Variants in CAST observed in about 807,000 individuals in gnomAD.
CAST encodes calpastatin.
A neutral mutation model predicts 119.6 loss-of-function variants in CAST; 76 were observed. That is an observed-to-expected ratio of 0.64 (90% CI 0.53 to 0.77). The LOEUF is 0.77. CAST is among the 30% of genes least tolerant of loss of function. CAST has a pLI of 0.00. For missense variants in CAST, 953 were observed against 946.5 expected, an observed-to-expected ratio of 1.01 and a Z score of -0.09; for synonymous variants, 319 against 331.6, an observed-to-expected ratio of 0.96 and a Z score of 0.41.
the CAST span, among the ~76,000 whole-genome samples, chr5:96,118,646 T>G: frequency 6.6e-6 from 1 of 150,910 alleles, no homozygotes; most frequent in African/African-American, 2.4e-5. Context: ...TTTTTTTTTT[T>G]GGTCCATTGT....
the CAST span, among the ~76,000 whole-genome samples, chr5:96,217,185 T>C: frequency 2.1e-5 from 3 of 145,306 alleles, no homozygotes; most frequent in Non-Finnish European, 4.5e-5. Flanking sequence ...ACTACAGGTA[T>C]ACACCACCAT....
chr5:96,113,652 G>C, the CAST span, among the ~76,000 whole-genome samples: 1 of 152,254 alleles, frequency 6.6e-6, no homozygotes, highest in Non-Finnish European at 1.5e-5. Flanking sequence ...CCATTGCCTG[G>C]TGCCAGGGAG....
the CAST span, among the ~76,000 whole-genome samples, chr5:96,451,024 A>T: frequency 4.6e-5 from 7 of 152,194 alleles, no homozygotes; most frequent in South Asian, 4.1e-4. Context: ...TCATAAAGTG[A>T]CATTCTGCCC....
At chr5:96,229,118 T>A in the CAST span, among the ~76,000 whole-genome samples, 1 of 151,886 alleles carries the variant, frequency 6.6e-6, no homozygotes, top group African/African-American at 2.4e-5. Context: ...TTTTACCAGG[T>A]GAGAATGGAT....
chr5:96,578,418 G>T (rs1304070021), intron 1 of CAST, among the ~76,000 whole-genome samples: 2 of 151,234 alleles, frequency 1.3e-5, no homozygotes, highest in African/African-American at 4.9e-5. Context: ...CTTTTGATTG[G>T]TATATTTAGA....
At chr5:96,632,973 G>A (rs998349512) in intron 1 of CAST, among the ~76,000 whole-genome samples, 1 of 151,994 alleles carries the variant, frequency 6.6e-6, no homozygotes, top group Non-Finnish European at 1.5e-5. Context: ...TTTTTGGTTT[G>A]TTTTGTTCTG....
chr5:96,217,392 T>C, the CAST span, among the ~76,000 whole-genome samples: 4 of 151,894 alleles, frequency 2.6e-5, no homozygotes, highest in Admixed American at 2.0e-4. Flanking sequence ...AAACTAGCTT[T>C]ATGGAAAATA....
chr5:96,202,764 C>A, the CAST span, among the ~76,000 whole-genome samples: 15 of 152,084 alleles, frequency 9.9e-5, no homozygotes, highest in South Asian at 2.3e-3. Context: ...AAAATTAGAT[C>A]TTTTTCCCTA....
At chr5:96,248,221 C>G in the CAST span, among the ~76,000 whole-genome samples, 4 of 152,108 alleles carry the variant, frequency 2.6e-5, no homozygotes, top group South Asian at 4.1e-4. Flanking sequence ...CTCTTGGACC[C>G]TTTTTGAAAG....
chr5:96,682,571 A>G (rs61327006), intron 2 of CAST, among the ~76,000 whole-genome samples: 3,586 of 151,740 alleles, frequency 0.024, 147 homozygotes, highest in African/African-American at 0.082. Flanking sequence ...CGGGGTAATG[A>G]TGCCCTCTGC....
At chr5:96,768,072 T>G (rs1770668633) in intron 29 of CAST, 73 bp downstream of exon 29, 1 of 966,212 alleles carries the variant, frequency 1.0e-6, no homozygotes, top group Non-Finnish European at 1.7e-6. Flanking sequence ...AAGTTTTATT[T>G]ATTGATTGAT....
At chr5:96,123,665 C>A in the CAST span, among the ~76,000 whole-genome samples, 1 of 152,120 alleles carries the variant, frequency 6.6e-6, no homozygotes, top group Non-Finnish European at 1.5e-5. Context: ...CTGGGTACAA[C>A]TGAAGGTTGG....
the CAST span, among the ~76,000 whole-genome samples, chr5:96,212,909 G>A: frequency 6.6e-6 from 1 of 152,042 alleles, no homozygotes; most frequent in African/African-American, 2.4e-5. Flanking sequence ...CTTGAGGCCA[G>A]GTATTTGAGA....
At chr5:96,307,061 C>T in the CAST span, among the ~76,000 whole-genome samples, 1 of 152,140 alleles carries the variant, frequency 6.6e-6, no homozygotes, top group East Asian at 1.9e-4. Context: ...GTTAAAGTCT[C>T]CCACTATTAT....
At chr5:96,111,324 C>T in the CAST span, among the ~76,000 whole-genome samples, 1 of 152,170 alleles carries the variant, frequency 6.6e-6, no homozygotes, top group South Asian at 2.1e-4. Flanking sequence ...GATGCATCAC[C>T]TTCCTGGCAA....
the CAST span, among the ~76,000 whole-genome samples, chr5:96,013,588 G>C: frequency 6.6e-6 from 1 of 151,986 alleles, no homozygotes; most frequent in African/African-American, 2.4e-5. Flanking sequence ...GAGATGTGTT[G>C]TTAGGTGATT....
the CAST span, among the ~76,000 whole-genome samples, chr5:96,042,419 A>G: frequency 6.6e-6 from 1 of 152,210 alleles, no homozygotes; most frequent in Non-Finnish European, 1.5e-5. Context: ...CAGAATATCA[A>G]TTGATTTTCA....
intron 19 of CAST, among the ~76,000 whole-genome samples, chr5:96,749,506 A>G (rs1320793864): frequency 6.6e-6 from 1 of 152,102 alleles, no homozygotes; most frequent in Non-Finnish European, 1.5e-5. Flanking sequence ...ATTTAAAACA[A>G]TTTGTTTAAA....
chr5:96,533,284 G>C (rs144755904), intron 1 of CAST, among the ~76,000 whole-genome samples: 1 of 152,144 alleles, frequency 6.6e-6, no homozygotes, highest in Admixed American at 6.5e-5. Flanking sequence ...ACAACAAAAA[G>C]ATAACCTGGA....
Sources: allele counts gnomAD v4.1 joint callset (sites outside exome capture counted in the v4.1 genomes callset), GRCh38; gene constraint gnomAD v4.1.1; transcripts MANE v1.5; gene names NCBI Gene and HGNC (gene_info 2026-07-23, HGNC 2026-07-21).